The following NKAIN2 variants were observed in gnomAD, a reference collection of about 807,000 sequenced individuals.
The protein encoded by NKAIN2 is sodium/potassium transporting ATPase interacting 2.
Under a neutral mutation model 32.6 loss-of-function variants are expected in NKAIN2, and 14 were observed. The ratio of observed to expected loss-of-function variants is 0.43; its 90% CI spans 0.28 to 0.67. The LOEUF is 0.67. Among genes scored for constraint, NKAIN2 ranks in the 30% least tolerant of loss-of-function variants. The pLI is 0.17. For missense variants in NKAIN2, 198 were observed against 258.3 expected (o/e 0.77, Z 1.60); for synonymous variants, 80 against 87.2 (o/e 0.92, Z 0.46).
chr6:123,900,397 C>G (rs973928332), intron 1 of NKAIN2, among the ~76,000 whole-genome samples: 1 of 151,676 alleles, frequency 6.6e-6, no homozygotes, highest in Non-Finnish European at 1.5e-5. Context: ...CGCTTGAACC[C>G]GGGAGGCGGA....
intron 1 of NKAIN2, among the ~76,000 whole-genome samples, chr6:124,191,685 A>C (rs1790029491): frequency 6.6e-6 from 1 of 152,102 alleles, no homozygotes; most frequent in South Asian, 2.1e-4. Context: ...CCAGAAATGC[A>C]TTCATTCTTT....
intron 4 of NKAIN2, among the ~76,000 whole-genome samples, chr6:124,779,283 GGA>G (rs1779137764): frequency 5.3e-4 from 53 of 99,992 alleles, no homozygotes; most frequent in Non-Finnish European, 8.1e-4. Flanking sequence ...GAGAGAGAGA[GGA>G]AGGCAGGAAG....
At chr6:124,770,660 A>T (rs1360460671) in intron 4 of NKAIN2, among the ~76,000 whole-genome samples, 2 of 152,016 alleles carry the variant, frequency 1.3e-5, no homozygotes, top group Non-Finnish European at 2.9e-5. Context: ...TACTACCTGA[A>T]ATCTGCCTTC....
rs527980389 is a variant in NKAIN2, at chr6:124,451,099, T to C, written c.273+95752T>C. Among the ~76,000 whole-genome samples the C allele has an allele frequency of 1.2e-3, 184 of 152,262 alleles. No homozygotes were observed. In the Middle Eastern group the frequency reaches 0.017, roughly 14 times the overall value. On this transcript the variant is annotated intron_variant, in intron 3 of 6. Coordinates refer to ENST00000368417, the MANE Select transcript of NKAIN2 (RefSeq NM_001040214.3). ...AAGCACACTATCTGTAAAGTAATTT[T>C]ATCATGATTATTCTAGGTCCCTCCA... is the stretch of plus-strand genomic sequence containing the variant.
chr6:124,330,602 A>T (rs1296019573), intron 2 of NKAIN2, among the ~76,000 whole-genome samples: 2 of 152,204 alleles, frequency 1.3e-5, no homozygotes, highest in African/African-American at 2.4e-5. Context: ...CCTGAGCAAG[A>T]ACTTGACTGT....
At chr6:123,852,409 T>A (rs1221971616) in intron 1 of NKAIN2, among the ~76,000 whole-genome samples, 2 of 152,198 alleles carry the variant, frequency 1.3e-5, no homozygotes, top group Non-Finnish European at 2.9e-5. Flanking sequence ...CCTGTTCAAC[T>A]GAAATTTTGC....
intron 1 of NKAIN2, among the ~76,000 whole-genome samples, chr6:124,125,791 C>A (rs1310505068): frequency 6.6e-6 from 1 of 152,082 alleles, no homozygotes; most frequent in East Asian, 1.9e-4. Flanking sequence ...AAAAGATAAT[C>A]ATTGGAAAAA....
intron 4 of NKAIN2, among the ~76,000 whole-genome samples, chr6:124,723,029 G>T (rs1015593777): frequency 6.6e-6 from 1 of 152,078 alleles, no homozygotes; most frequent in Non-Finnish European, 1.5e-5. Flanking sequence ...ATATGTTAAC[G>T]GGTGCCTGAG....
chr6:124,017,785 G>A (rs561004544), intron 1 of NKAIN2, among the ~76,000 whole-genome samples: 77 of 150,650 alleles, frequency 5.1e-4, no homozygotes, highest in East Asian at 2.4e-3. Flanking sequence ...CCCCCACCCC[G>A]ACCCCCCGGC....
chr6:124,444,593 A>T (rs887731634), intron 3 of NKAIN2, among the ~76,000 whole-genome samples: 1 of 152,052 alleles, frequency 6.6e-6, no homozygotes, highest in Admixed American at 6.6e-5. Flanking sequence ...GTTCAATTTT[A>T]CATATTCTCA....
chr6:124,677,296 A>G (rs1773407446), intron 4 of NKAIN2, among the ~76,000 whole-genome samples: 1 of 152,018 alleles, frequency 6.6e-6, no homozygotes, highest in South Asian at 2.1e-4. Context: ...TCATTCAGTC[A>G]TTTCCCATAT....
intron 1 of NKAIN2, among the ~76,000 whole-genome samples, chr6:124,186,017 C>T (rs901851936): frequency 6.6e-6 from 1 of 151,786 alleles, no homozygotes; most frequent in Non-Finnish European, 1.5e-5. Context: ...ACTGGGGGCT[C>T]CTACCTGTAA....
chr6:123,853,326 A>G (rs1317707216), intron 1 of NKAIN2, among the ~76,000 whole-genome samples: 2 of 152,230 alleles, frequency 1.3e-5, no homozygotes, highest in African/African-American at 4.8e-5. Flanking sequence ...CATTTTCTAT[A>G]CATAATTCAC....
intron 3 of NKAIN2, among the ~76,000 whole-genome samples, chr6:124,644,398 C>A (rs1352034643): frequency 1.5e-5 from 2 of 130,876 alleles, no homozygotes; most frequent in Non-Finnish European, 3.3e-5. Context: ...TTTGTTTGTG[C>A]TTTTCTTTTC....
chr6:123,824,271 A>G (rs1431061000), intron 1 of NKAIN2, among the ~76,000 whole-genome samples: 1 of 152,226 alleles, frequency 6.6e-6, no homozygotes, highest in East Asian at 1.9e-4. Flanking sequence ...ATCACCACCC[A>G]CAGGCTTTCA....
At chr6:124,131,206 A>G (rs1178271899) in intron 1 of NKAIN2, among the ~76,000 whole-genome samples, 1 of 152,066 alleles carries the variant, frequency 6.6e-6, no homozygotes, top group Non-Finnish European at 1.5e-5. Flanking sequence ...GTGCAATGAC[A>G]TGATCTTGGC....
chr6:124,684,126 A>G (rs1237979529), intron 4 of NKAIN2, among the ~76,000 whole-genome samples: 1 of 152,232 alleles, frequency 6.6e-6, no homozygotes, highest in Non-Finnish European at 1.5e-5. Context: ...GGCATGTACC[A>G]ATTCCATAAC....
At chr6:124,045,941 G>GA (rs1782101489) in intron 1 of NKAIN2, among the ~76,000 whole-genome samples, 1 of 151,966 alleles carries the variant, frequency 6.6e-6, no homozygotes, top group South Asian at 2.1e-4. Flanking sequence ...GGTCTGTCTA[G>GA]AAATTAAAAC....
intron 5 of NKAIN2, among the ~76,000 whole-genome samples, chr6:124,805,481 A>C (rs1780501874): frequency 6.6e-6 from 1 of 152,156 alleles, no homozygotes. Flanking sequence ...CCACACCAAA[A>C]ACCCATCTGT....
Sources: allele counts gnomAD v4.1 joint callset (sites outside exome capture counted in the v4.1 genomes callset), GRCh38; gene constraint gnomAD v4.1.1; transcripts MANE v1.5; gene names NCBI Gene and HGNC (gene_info 2026-07-23, HGNC 2026-07-21).